The following CMPK1 variants were observed in gnomAD, a reference collection of about 807,000 sequenced individuals.
The protein encoded by CMPK1 is UMP-CMP kinase.
In CMPK1, 10 loss-of-function variants were observed where a neutral mutation model predicts 25.7. The ratio of observed to expected loss-of-function variants is 0.39; its 90% CI spans 0.24 to 0.66. The LOEUF is 0.66. CMPK1 is among the 30% of genes least tolerant of loss of function. CMPK1 has a pLI of 0.48. For synonymous variants in CMPK1, 106 were observed against 101.5 expected (o/e 1.04, Z -0.27); for missense variants, 199 against 280.5 (o/e 0.71, Z 2.08).
intron 1 of CMPK1, among the ~76,000 whole-genome samples, chr1:47,349,863 T>C (rs1174909937): frequency 1.3e-5 from 2 of 152,182 alleles, no homozygotes; most frequent in East Asian, 1.9e-4. Flanking sequence ...TGGAGTGCAG[T>C]GGCGCAATCT....
chr1:47,335,762 T>C lies in CMPK1; in HGVS notation c.171+1646T>C, dbSNP rs116237345. Among the ~76,000 whole-genome samples the C allele has an allele frequency of 8.0e-3, 1,208 of 151,180 alleles. 13 individuals carry two copies. Among genetic ancestry groups the C allele is most frequent in the African/African-American group, 0.028 (1,134 of 40,620 alleles). On this transcript the variant is annotated intron_variant, in intron 1 of 5. Coordinates refer to ENST00000371873, the MANE Select transcript of CMPK1 (RefSeq NM_016308.3). Reference sequence around the variant, plus strand: ...TGTTGGTTCTCTTTCTTTTGTTGTTTTTTTGTTTTTGTTTTTGTTTTTGTG... The same window carrying C: ...TGTTGGTTCTCTTTCTTTTGTTGTTCTTTTGTTTTTGTTTTTGTTTTTGTG...
chr1:47,366,068 C>A (rs892808516), intron 1 of CMPK1, among the ~76,000 whole-genome samples: 1 of 152,124 alleles, frequency 6.6e-6, no homozygotes. Context: ...GTGGTGCACG[C>A]CTGTAATCCC....
At chr1:47,375,317 A>G in intron 5 of CMPK1, 24 bp downstream of exon 5, 1 of 1,377,908 alleles carries the variant, frequency 7.3e-7, no homozygotes, top group Non-Finnish European at 1.0e-6. Context: ...GCCTGTCTTT[A>G]AAAAAATATG....
At position 47,333,921 on chromosome 1, in the gene CMPK1, T is replaced by A; in HGVS notation, c.-25T>A. On this transcript the variant is annotated 5_prime_UTR_variant, in exon 1 of 6. Transcript: ENST00000371873. Reference sequence around the variant, plus strand: ...GCCGCGCCGGCCGCTGTCAGCTCCCTCAGCGTCCGGCCGAGGCGCGGTGTA... The same window carrying A: ...GCCGCGCCGGCCGCTGTCAGCTCCCACAGCGTCCGGCCGAGGCGCGGTGTA... The A allele has an allele frequency of 1.6e-6, 2 of 1,283,616 alleles. No individual in the cohort carries two copies. Among genetic ancestry groups the A allele is most frequent in the Non-Finnish European group, 2.0e-6 (2 of 997,974 alleles). 79.5% of individuals were successfully genotyped at this position (1,283,616 alleles called of 1,614,324 possible).
At chr1:47,344,299 T>G (rs1317556916) in intron 1 of CMPK1, among the ~76,000 whole-genome samples, 1 of 151,894 alleles carries the variant, frequency 6.6e-6, no homozygotes, top group Non-Finnish European at 1.5e-5. Flanking sequence ...TGAAGGACAG[T>G]GGGAAAGAAG....
At chr1:47,353,826 C>T (rs895251078) in intron 1 of CMPK1, among the ~76,000 whole-genome samples, 1 of 152,122 alleles carries the variant, frequency 6.6e-6, no homozygotes, top group Admixed American at 6.6e-5. Context: ...AAGCAATTCT[C>T]CTGCCTCAGC....
Position 47,334,059 on chromosome 1 carries a change from G to A in CMPK1, c.114G>A (p.Val38=), listed in dbSNP as rs1646376791. 3.2e-6 allele frequency: 5 copies of A among 1,547,314 alleles called. No homozygotes were observed. The highest frequency in any genetic ancestry group is 1.4e-5 in the African/African-American group (1 of 71,850). Residue 38 remains valine, a synonymous_variant, in exon 1 of 6, where the codon GTG becomes GTA. Coordinates refer to ENST00000371873, the MANE Select transcript of CMPK1 (RefSeq NM_016308.3). ...CACGTCTCATGAAGCCGCTGGTCGT[G>A]TTCGTCCTCGGCGGCCCCGGCGCCG... The part of the protein sequence containing the change: ...CSPRLMKPLV[V]FVLGGPGAGK...
chr1:47,334,732 C>G (rs1440903021), intron 1 of CMPK1, among the ~76,000 whole-genome samples: 1 of 152,160 alleles, frequency 6.6e-6, no homozygotes, highest in Admixed American at 6.6e-5. Context: ...AGGCTCGGCC[C>G]GGGTCGGGGA....
At chr1:47,363,682 C>T (rs1474714567) in intron 1 of CMPK1, among the ~76,000 whole-genome samples, 14 of 151,086 alleles carry the variant, frequency 9.3e-5, no homozygotes, top group Non-Finnish European at 1.8e-4. Context: ...CGGTGGCTCA[C>T]GCTTGTAATC....
chr1:47,346,273 C>T (rs1646483248), intron 1 of CMPK1, among the ~76,000 whole-genome samples: 1 of 151,808 alleles, frequency 6.6e-6, no homozygotes, highest in Admixed American at 6.6e-5. Context: ...TGGTCTCGAA[C>T]TCATGACCTC....
At chr1:47,346,116 C>T (rs1646481772) in intron 1 of CMPK1, among the ~76,000 whole-genome samples, 1 of 152,064 alleles carries the variant, frequency 6.6e-6, no homozygotes, top group Non-Finnish European at 1.5e-5. Flanking sequence ...GTGGCTCCAT[C>T]TTGGCTCACT....
chr1:47,348,616 A>C (rs1436210911), intron 1 of CMPK1, among the ~76,000 whole-genome samples: 1 of 152,204 alleles, frequency 6.6e-6, no homozygotes, highest in Non-Finnish European at 1.5e-5. Context: ...GGTTTCCATC[A>C]GTCTTCTCCA....
At chr1:47,371,015 A>G (rs1646674943) in intron 2 of CMPK1, among the ~76,000 whole-genome samples, 1 of 152,310 alleles carries the variant, frequency 6.6e-6, no homozygotes, top group Middle Eastern at 3.4e-3. Context: ...CCCTGTATTT[A>G]CTAGGTAACT....
intron 1 of CMPK1, among the ~76,000 whole-genome samples, chr1:47,345,179 A>G (rs1057007250): frequency 1.4e-4 from 22 of 151,782 alleles, no homozygotes; most frequent in African/African-American, 4.6e-4. Flanking sequence ...CAGCCTCCCA[A>G]AGTGCTGGGA....
At chr1:47,374,056 G>A (rs1429273533) in intron 3 of CMPK1, among the ~76,000 whole-genome samples, 1 of 151,882 alleles carries the variant, frequency 6.6e-6, no homozygotes, top group African/African-American at 2.4e-5. Context: ...CAGCCTTTGT[G>A]TTGTTTTATT....
chr1:47,345,333 A>G (rs536741162), intron 1 of CMPK1, among the ~76,000 whole-genome samples: 21 of 151,696 alleles, frequency 1.4e-4, no homozygotes, highest in Non-Finnish European at 2.8e-4. Context: ...TTTTTTTCAT[A>G]GAAACTCTAG....
intron 1 of CMPK1, among the ~76,000 whole-genome samples, chr1:47,342,774 C>G (rs1212545534): frequency 6.6e-6 from 1 of 151,194 alleles, no homozygotes; most frequent in Non-Finnish European, 1.5e-5. Context: ...CTCAGCCTCC[C>G]AAGTAGCTGG....
intron 1 of CMPK1, among the ~76,000 whole-genome samples, chr1:47,359,061 GTAA>G (rs1354372162): frequency 1.3e-5 from 2 of 152,124 alleles, no homozygotes; most frequent in East Asian, 3.9e-4. Context: ...GCTCACACCT[GTAA>G]TCCGTGCACT....
intron 1 of CMPK1, among the ~76,000 whole-genome samples, chr1:47,363,112 T>C (rs577979912): frequency 6.6e-6 from 1 of 152,334 alleles, no homozygotes; most frequent in South Asian, 2.1e-4. Context: ...AAAATGTGGT[T>C]GTGTCCCAGA....
Sources: gnomAD v4.1 joint callset for allele counts (sites outside exome capture counted in the v4.1 genomes callset) on GRCh38, gnomAD v4.1.1 for gene constraint, MANE v1.5 for transcripts, NCBI Gene and HGNC (gene_info 2026-07-23, HGNC 2026-07-21) for gene names.